PCDH9: variants seen among roughly 807,000 people sequenced by gnomAD.
The protein encoded by PCDH9 is protocadherin 9.
Under a neutral mutation model 70.6 loss-of-function variants are expected in PCDH9, and 24 were observed. That is an observed-to-expected ratio of 0.34 (90% confidence interval 0.25 to 0.48). The LOEUF is 0.48. Among genes scored for constraint, PCDH9 ranks in the 20% least tolerant of loss-of-function variants. The probability of loss-of-function intolerance (pLI) is 0.99; values close to 1 mark genes in which losing one functional copy is unlikely to be tolerated. For synonymous variants in PCDH9, 562 were observed against 558.5 expected, an observed-to-expected ratio of 1.01 and a Z score of -0.09; for missense variants, 1,281 against 1,503.6, an observed-to-expected ratio of 0.85 and a Z score of 2.45.
At chr13:66,642,982 G>C (rs1345815463) in intron 3 of PCDH9, among the ~76,000 whole-genome samples, 1 of 151,892 alleles carries the variant, frequency 6.6e-6, no homozygotes, top group African/African-American at 2.4e-5. Flanking sequence ...TAATAATAAA[G>C]GCAGTATGGT....
At chr13:66,713,623 G>GTATATATATAAATATA (rs762817724) in intron 3 of PCDH9, among the ~76,000 whole-genome samples, 1 of 93,032 alleles carries the variant, frequency 1.1e-5, no homozygotes. Context: ...GTGTGTGTGT[G>GTATATATATAAATATA]TGTATATATA....
At chr13:66,899,441 C>A (rs899072889) in intron 3 of PCDH9, among the ~76,000 whole-genome samples, 6 of 152,002 alleles carry the variant, frequency 3.9e-5, no homozygotes, top group Non-Finnish European at 8.8e-5. Context: ...GATTTCACCC[C>A]TACAAGGGAG....
intron 3 of PCDH9, among the ~76,000 whole-genome samples, chr13:66,654,938 C>A (rs1016357054): frequency 5.9e-5 from 9 of 152,048 alleles, no homozygotes; most frequent in South Asian, 2.1e-4. Context: ...GTTGCCCAGG[C>A]TGGTCCCTAA....
At chr13:66,508,864 A>G (rs1246804486) in intron 4 of PCDH9, among the ~76,000 whole-genome samples, 1 of 152,226 alleles carries the variant, frequency 6.6e-6, no homozygotes, top group Non-Finnish European at 1.5e-5. Flanking sequence ...GAGGTAGTAG[A>G]GTATAATTGT....
intron 2 of PCDH9, among the ~76,000 whole-genome samples, chr13:67,136,655 T>C (rs17517774): frequency 0.083 from 12,705 of 152,210 alleles, 740 homozygotes; most frequent in Admixed American, 0.14. Flanking sequence ...CTAATCTCTT[T>C]GAAATGGAGA....
chr13:66,637,181 C>T (rs2077649521), intron 3 of PCDH9, among the ~76,000 whole-genome samples: 1 of 152,128 alleles, frequency 6.6e-6, no homozygotes, highest in South Asian at 2.1e-4. Context: ...AAATCCAAAA[C>T]TCATTGTGGT....
chr13:66,662,316 T>C (rs922970717), intron 3 of PCDH9, among the ~76,000 whole-genome samples: 1 of 151,824 alleles, frequency 6.6e-6, no homozygotes, highest in Non-Finnish European at 1.5e-5. Flanking sequence ...CTACTAAAAA[T>C]ACAAAAATTA....
chr13:67,228,931 G>T (rs1349140014), intron 1 of PCDH9, among the ~76,000 whole-genome samples: 5 of 151,982 alleles, frequency 3.3e-5, no homozygotes, highest in Non-Finnish European at 7.4e-5. Context: ...GTCTTTTCAG[G>T]TGCAAGTGAA....
chr13:66,454,656 G>GTAAA (rs1341882273), intron 4 of PCDH9, among the ~76,000 whole-genome samples: 1 of 152,178 alleles, frequency 6.6e-6, no homozygotes, highest in Non-Finnish European at 1.5e-5. Context: ...GGATAATGAA[G>GTAAA]TAAAGGTCAG....
intron 3 of PCDH9, among the ~76,000 whole-genome samples, chr13:66,828,903 T>G (rs2080872998): frequency 6.6e-6 from 1 of 152,042 alleles, no homozygotes; most frequent in Non-Finnish European, 1.5e-5. Context: ...GTATACCTTC[T>G]GCCACACTCA....
At chr13:66,723,069 C>T (rs1480559905) in intron 3 of PCDH9, among the ~76,000 whole-genome samples, 1 of 151,650 alleles carries the variant, frequency 6.6e-6, no homozygotes, top group East Asian at 1.9e-4. Flanking sequence ...CATACTCATA[C>T]ATTCTCATAA....
At chr13:66,544,201 T>C (rs1342121064) in intron 4 of PCDH9, among the ~76,000 whole-genome samples, 2 of 152,178 alleles carry the variant, frequency 1.3e-5, no homozygotes, top group African/African-American at 2.4e-5. Context: ...TTTCCCTATT[T>C]CCTATCACTG....
At chr13:67,090,541 CT>C (rs139579791) in intron 2 of PCDH9, among the ~76,000 whole-genome samples, 3,863 of 151,576 alleles carry the variant, frequency 0.025, 127 homozygotes, top group South Asian at 0.067. Flanking sequence ...ACTGTTATAA[CT>C]TAGAAATTGG....
intron 2 of PCDH9, among the ~76,000 whole-genome samples, chr13:66,958,383 T>A (rs1250147402): frequency 6.6e-6 from 1 of 152,194 alleles, no homozygotes; most frequent in East Asian, 1.9e-4. Flanking sequence ...CAAAATACAG[T>A]CAGGGAGTTG....
At chr13:66,677,130 C>T (rs2078254471) in intron 3 of PCDH9, among the ~76,000 whole-genome samples, 1 of 152,124 alleles carries the variant, frequency 6.6e-6, no homozygotes, top group East Asian at 1.9e-4. Flanking sequence ...GTCATCCTAA[C>T]TTCTTTATAA....
At chr13:66,605,179 T>C (rs1024620392) in intron 4 of PCDH9, among the ~76,000 whole-genome samples, 1 of 152,102 alleles carries the variant, frequency 6.6e-6, no homozygotes, top group Non-Finnish European at 1.5e-5. Context: ...AAGTTGTTGG[T>C]AGATTCTTTT....
At chr13:66,945,735 T>C (rs538058747) in intron 2 of PCDH9, among the ~76,000 whole-genome samples, 1 of 152,262 alleles carries the variant, frequency 6.6e-6, no homozygotes, top group South Asian at 2.1e-4. Context: ...ATCTACTCTC[T>C]TATGAGTGGA....
chr13:66,819,080 G>C lies in PCDH9; in HGVS notation c.3138+84424C>G, dbSNP rs138647979. 3.3e-3 allele frequency among the ~76,000 whole-genome samples: 499 copies of C among 152,316 alleles called. 5 individuals carry two copies. The highest frequency in any genetic ancestry group is 0.011 in the African/African-American group (473 of 41,572). ...AATAACCTACAAAGAAGGGGTTCAT[G>C]AGGGTAGCCAAAACCAACAGATATA... On this transcript the variant is annotated intron_variant, in intron 3 of 4. Coordinates refer to ENST00000377865, the MANE Select transcript of PCDH9 (RefSeq NM_203487.3).
intron 4 of PCDH9, among the ~76,000 whole-genome samples, chr13:66,397,417 G>GAT (rs566923769): frequency 8.3e-4 from 125 of 150,220 alleles, no homozygotes; most frequent in African/African-American, 2.7e-3. Flanking sequence ...AGACTCTGTC[G>GAT]ATATATATGT....
Sources: gnomAD v4.1 joint callset for allele counts (sites outside exome capture counted in the v4.1 genomes callset) on GRCh38, gnomAD v4.1.1 for gene constraint, MANE v1.5 for transcripts, NCBI Gene and HGNC (gene_info 2026-07-23, HGNC 2026-07-21) for gene names.